The following RAC1 variants were observed in gnomAD, a reference collection of about 807,000 sequenced individuals.
RAC1 encodes ras-related C3 botulinum toxin substrate 1.
In RAC1, 2 loss-of-function variants were observed where a neutral mutation model predicts 25.2. The ratio of observed to expected loss-of-function variants is 0.08; its 90% CI spans 0.03 to 0.25. The LOEUF (loss-of-function observed/expected upper bound fraction) is 0.25, where lower values mean the gene tolerates loss of function less well. RAC1 is among the 10% of genes least tolerant of loss of function. RAC1 has a pLI of 1.00. For synonymous variants in RAC1, 88 were observed against 94.0 expected, an observed-to-expected ratio of 0.94 and a Z score of 0.37; for missense variants, 50 against 235.7, an observed-to-expected ratio of 0.21 and a Z score of 5.16.
At chr7:6,377,102 G>A (rs1051533413) in intron 1 of RAC1, among the ~76,000 whole-genome samples, 1 of 151,994 alleles carries the variant, frequency 6.6e-6, no homozygotes, top group African/African-American at 2.4e-5. Flanking sequence ...CTTGCTGAAT[G>A]CTTAGTAAAT....
chr7:6,391,816 C>T, intron 2 of RAC1, 108 bp from the exon 3 acceptor site: 3 of 1,523,598 alleles, frequency 2.0e-6, no homozygotes, highest in Non-Finnish European at 2.7e-6. Context: ...GGTGTGGCAG[C>T]CTCCAGGCCC....
In RAC1 at chr7:6,377,237, GCA is replaced by G. The variant is rs747100106; in HGVS notation, c.35+2470_35+2471del. On this transcript the variant is annotated intron_variant, in intron 1 of 5. Coordinates refer to ENST00000348035, the MANE Select transcript of RAC1 (RefSeq NM_006908.5). ...TAATTAGTTATGAGCATTTGAACAA[GCA>G]CAGTTATTTTTTAATACTATGTTTA... Among the ~76,000 whole-genome samples the G allele has an allele frequency of 1.5e-4, 22 of 151,560 alleles. 1 individual carries two copies. The highest frequency in any genetic ancestry group is 7.4e-5 in the Non-Finnish European group (5 of 67,954).
intron 1 of RAC1, among the ~76,000 whole-genome samples, chr7:6,385,521 A>G (rs1481059379): frequency 1.3e-5 from 2 of 152,222 alleles, no homozygotes; most frequent in Non-Finnish European, 2.9e-5. Flanking sequence ...TTATTTTCAC[A>G]TTCTAAGCTT....
intron 3 of RAC1, among the ~76,000 whole-genome samples, chr7:6,396,827 G>A (rs1375563785): frequency 1.3e-5 from 2 of 152,058 alleles, no homozygotes; most frequent in East Asian, 1.9e-4. Context: ...TCAGGAGATC[G>A]AGACCATCCT....
chr7:6,376,124 C>T (rs1329914570), intron 1 of RAC1, among the ~76,000 whole-genome samples: 1 of 139,612 alleles, frequency 7.2e-6, no homozygotes, highest in Non-Finnish European at 1.5e-5. Context: ...GCCCATCTGT[C>T]GGATTTGTCT....
intron 3 of RAC1, chr7:6,398,589 G>C: frequency 7.7e-7 from 1 of 1,300,458 alleles, no homozygotes. Context: ...ATAAAGAATC[G>C]ATAAGAGGTT....
chr7:6,382,950 G>A (rs144431553), intron 1 of RAC1, among the ~76,000 whole-genome samples: 353 of 152,300 alleles, frequency 2.3e-3, no homozygotes, highest in Non-Finnish European at 3.3e-3. Context: ...ATTTCTACAG[G>A]ACAGGGCAGG....
intron 1 of RAC1, among the ~76,000 whole-genome samples, chr7:6,383,836 CT>C (rs1782844266): frequency 1.6e-5 from 1 of 63,852 alleles, no homozygotes; most frequent in African/African-American, 5.6e-5. Context: ...GAGTTTTGCT[CT>C]TGTTGCCCAG....
At chr7:6,399,590 G>A (rs899415605) in intron 3 of RAC1, among the ~76,000 whole-genome samples, 1 of 152,176 alleles carries the variant, frequency 6.6e-6, no homozygotes, top group African/African-American at 2.4e-5. Flanking sequence ...GGCAGCGTGA[G>A]GGTGGTTGTC....
intron 5 of RAC1, 141 bp downstream of exon 5, chr7:6,402,168 G>T: frequency 6.9e-7 from 1 of 1,443,560 alleles, no homozygotes; most frequent in South Asian, 1.3e-5. Context: ...GCAAGGCCCT[G>T]TGGGTCTTAA....
intron 1 of RAC1, among the ~76,000 whole-genome samples, chr7:6,381,742 A>G (rs1782771509): frequency 6.6e-6 from 1 of 152,152 alleles, no homozygotes; most frequent in South Asian, 2.1e-4. Context: ...TATTGGTAGT[A>G]GAACATCATA....
chr7:6,383,912 C>A (rs187492247), intron 1 of RAC1, among the ~76,000 whole-genome samples: 5 of 147,774 alleles, frequency 3.4e-5, no homozygotes, highest in Non-Finnish European at 5.9e-5. Flanking sequence ...AAGCGACTCT[C>A]CTGCTTCAGC....
At chr7:6,394,044 G>A (rs922024237) in intron 3 of RAC1, among the ~76,000 whole-genome samples, 1 of 152,164 alleles carries the variant, frequency 6.6e-6, no homozygotes, top group African/African-American at 2.4e-5. Context: ...TACATGGAAT[G>A]TGGTCCCTGA....
chr7:6,400,090 GT>G (rs910971716), intron 3 of RAC1, 35 bp from the exon 4 acceptor site: 2 of 1,560,862 alleles, frequency 1.3e-6, no homozygotes, highest in African/African-American at 2.7e-5. Flanking sequence ...TTCTAAGGTT[GT>G]TGTCTAAATG....
chr7:6,400,185 A>C lies in RAC1; in HGVS notation c.285A>C (p.Ala95=). The change falls in exon 4 of 6, where the codon GCA becomes GCC. Residue 95 remains alanine (A), a synonymous_variant. Coordinates refer to ENST00000348035, the MANE Select transcript of RAC1 (RefSeq NM_006908.5). ...CTGCATCATTTGAAAATGTCCGTGC[A>C]AAGGTAGGTGGGGATTTAAAATGTG... ...VSPASFENVR[A]KWYPEVRHHC... 2 of 1,607,254 alleles carry C rather than the reference A, an allele frequency of 1.2e-6. No homozygotes were observed. Among genetic ancestry groups the C allele is most frequent in the Non-Finnish European group, 1.7e-6 (2 of 1,175,230 alleles).
intron 4 of RAC1, chr7:6,401,663 G>C (rs888513114): frequency 2.2e-6 from 1 of 444,500 alleles, no homozygotes; most frequent in African/African-American, 2.0e-5. Context: ...GCCATGATCC[G>C]GGAGTCCTAG....
Position 6,381,259 on chromosome 7 carries a change from C to G in RAC1, c.36-5953C>G, listed in dbSNP as rs1444469746. Among the ~76,000 whole-genome samples the G allele has an allele frequency of 2.6e-5, 4 of 152,306 alleles. 1 individual carries two copies. Among genetic ancestry groups the G allele is most frequent in the Admixed American group, 2.6e-4 (4 of 15,298 alleles). On this transcript the variant is annotated intron_variant, in intron 1 of 5. Coordinates refer to ENST00000348035, the MANE Select transcript of RAC1 (RefSeq NM_006908.5). The stretch of plus-strand genomic sequence containing the variant: ...GTTCAGCTGGCTTGTATCAACTACA[C>G]CAGGGTTAGCCTTGATTCTGGAAGG...
intron 3 of RAC1, among the ~76,000 whole-genome samples, chr7:6,393,480 G>A (rs895349971): frequency 1.3e-5 from 2 of 152,106 alleles, no homozygotes; most frequent in Non-Finnish European, 2.9e-5. Flanking sequence ...CTCTAAGGAA[G>A]GCCTCACAGT....
intron 4 of RAC1, chr7:6,401,600 C>T (rs982019793): frequency 3.7e-6 from 1 of 268,838 alleles, no homozygotes; most frequent in Non-Finnish European, 7.0e-6. Flanking sequence ...TCTTCCCTTC[C>T]CCCCTTCCCC....
Sources: gnomAD v4.1 joint callset for allele counts (sites outside exome capture counted in the v4.1 genomes callset) on GRCh38, gnomAD v4.1.1 for gene constraint, MANE v1.5 for transcripts, NCBI Gene and HGNC (gene_info 2026-07-23, HGNC 2026-07-21) for gene names.